Variants in ADGRB3 observed in about 807,000 individuals in gnomAD.
The protein encoded by ADGRB3 is brain-specific angiogenesis inhibitor 3.
In ADGRB3, 37 loss-of-function variants were observed where a neutral mutation model predicts 193.4. The ratio of observed to expected loss-of-function variants is 0.19; its 90% CI spans 0.15 to 0.25. The LOEUF is 0.25. Among genes scored for constraint, ADGRB3 ranks in the 10% least tolerant of loss-of-function variants. The pLI is 1.00. For missense variants in ADGRB3, 1,637 were observed against 1,852.9 expected, an observed-to-expected ratio of 0.88 and a Z score of 2.14; for synonymous variants, 690 against 644.2, an observed-to-expected ratio of 1.07 and a Z score of -1.08.
chr6:68,971,945 T>C (rs1006245894), intron 8 of ADGRB3, among the ~76,000 whole-genome samples: 11 of 152,286 alleles, frequency 7.2e-5, no homozygotes, highest in African/African-American at 2.6e-4. Context: ...TCCAAGGACC[T>C]CTGTGGCCCG....
chr6:68,641,248 A>C (rs1327745209), intron 3 of ADGRB3, among the ~76,000 whole-genome samples: 1 of 152,194 alleles, frequency 6.6e-6, no homozygotes, highest in Non-Finnish European at 1.5e-5. Context: ...GAAAGGTGGT[A>C]AGTGACAAAA....
chr6:69,128,348 A>T (rs1286271028), intron 17 of ADGRB3, among the ~76,000 whole-genome samples: 1 of 152,176 alleles, frequency 6.6e-6, no homozygotes, highest in African/African-American at 2.4e-5. Context: ...GTTTAGAGTC[A>T]TTTCTTAAAA....
intron 20 of ADGRB3, among the ~76,000 whole-genome samples, chr6:69,264,733 T>C (rs1169938540): frequency 1.3e-5 from 2 of 151,926 alleles, no homozygotes; most frequent in African/African-American, 4.8e-5. Context: ...CAGAAATGAA[T>C]TGTAATGAGA....
At chr6:69,108,504 G>A (rs1032277269) in intron 17 of ADGRB3, among the ~76,000 whole-genome samples, 2 of 151,676 alleles carry the variant, frequency 1.3e-5, no homozygotes, top group Admixed American at 1.3e-4. Flanking sequence ...CTTTCAGCTT[G>A]CAATGCAGGA....
intron 3 of ADGRB3, among the ~76,000 whole-genome samples, chr6:68,828,252 A>G (rs2127382888): frequency 6.6e-6 from 1 of 152,182 alleles, no homozygotes; most frequent in Admixed American, 6.5e-5. Flanking sequence ...CCATAATTTT[A>G]CTGTGCTGGC....
At chr6:69,094,520 A>G (rs1772813384) in intron 17 of ADGRB3, among the ~76,000 whole-genome samples, 1 of 152,204 alleles carries the variant, frequency 6.6e-6, no homozygotes, top group African/African-American at 2.4e-5. Context: ...CTGTATCCAA[A>G]TTAAATTGGC....
intron 24 of ADGRB3, among the ~76,000 whole-genome samples, chr6:69,335,463 A>G (rs1328554670): frequency 6.6e-6 from 1 of 152,168 alleles, no homozygotes; most frequent in Admixed American, 6.5e-5. Flanking sequence ...GCTACTGTCC[A>G]AAGCAGAAAA....
chr6:68,899,419 C>A (rs1263129260), intron 3 of ADGRB3, among the ~76,000 whole-genome samples: 1 of 147,428 alleles, frequency 6.8e-6, no homozygotes, highest in African/African-American at 2.5e-5. Context: ...TTAGGTATAT[C>A]TCCCACTGCT....
At chr6:68,685,732 G>GA (rs547648563) in intron 3 of ADGRB3, among the ~76,000 whole-genome samples, 78 of 145,578 alleles carry the variant, frequency 5.4e-4, no homozygotes, top group South Asian at 1.1e-3. Flanking sequence ...ATACAAAAAA[G>GA]AAAAAAAAAA....
At chr6:69,225,808 G>T (rs1765999949) in intron 17 of ADGRB3, among the ~76,000 whole-genome samples, 1 of 152,134 alleles carries the variant, frequency 6.6e-6, no homozygotes, top group Admixed American at 6.6e-5. Context: ...ATTTTTTAAA[G>T]TGTGTTATTC....
At chr6:69,199,642 C>G (rs1765377723) in intron 17 of ADGRB3, among the ~76,000 whole-genome samples, 1 of 152,036 alleles carries the variant, frequency 6.6e-6, no homozygotes, top group African/African-American at 2.4e-5. Flanking sequence ...TTTAGTGGTT[C>G]AGGACAAAGT....
intron 3 of ADGRB3, among the ~76,000 whole-genome samples, chr6:68,737,726 C>T (rs758319844): frequency 6.6e-6 from 1 of 152,112 alleles, no homozygotes; most frequent in Non-Finnish European, 1.5e-5. Context: ...GATTACAAAT[C>T]AGCTCAGCTT....
intron 3 of ADGRB3, among the ~76,000 whole-genome samples, chr6:68,738,422 G>C (rs1322782952): frequency 6.6e-6 from 1 of 152,098 alleles, no homozygotes; most frequent in Non-Finnish European, 1.5e-5. Flanking sequence ...GAACAGCTGG[G>C]GGACAAAGCT....
At chr6:68,966,544 G>A (rs1582355551) in intron 8 of ADGRB3, among the ~76,000 whole-genome samples, 1 of 151,934 alleles carries the variant, frequency 6.6e-6, no homozygotes, top group African/African-American at 2.4e-5. Flanking sequence ...TGGTTCCCAG[G>A]ACACACTCTC....
intron 12 of ADGRB3, among the ~76,000 whole-genome samples, chr6:69,018,023 A>C (rs917569299): frequency 6.6e-6 from 1 of 151,894 alleles, no homozygotes; most frequent in Non-Finnish European, 1.5e-5. Flanking sequence ...TGTGTTCCTC[A>C]TATAGATGCC....
In ADGRB3 at chr6:69,040,675, C is replaced by CA. The variant is rs869146684; in HGVS notation, c.2108-7476dup. Among the ~76,000 whole-genome samples the CA allele has an allele frequency of 5.3e-3, 104 of 19,532 alleles. 20 individuals are homozygous for CA. Among genetic ancestry groups the CA allele is most frequent in the East Asian group, 0.014 (11 of 804 alleles). 12.8% of individuals were successfully genotyped at this position (19,532 alleles called of 152,430 possible). A position where few individuals can be genotyped will look rare whatever the true frequency, so the allele number is the denominator to read the frequency against. On this transcript the variant is annotated intron_variant, in intron 13 of 31. Transcript: ENST00000370598. ...CCCAGGCTTTGAAATGACTGATGGACAAAAAAAAAAAAAAAAAAAAAAAAA... is the reference window on the plus strand; with the variant it reads ...CCCAGGCTTTGAAATGACTGATGGACAAAAAAAAAAAAAAAAAAAAAAAAAA...
intron 3 of ADGRB3, among the ~76,000 whole-genome samples, chr6:68,648,747 CTCCTGGTGT>C (rs1006216399): frequency 6.7e-6 from 1 of 148,184 alleles, no homozygotes; most frequent in African/African-American, 2.5e-5. Flanking sequence ...CATGACATTT[CTCCTGGTGT>C]TCCTTCTTTT....
chr6:69,006,948 G>T (rs939984410), intron 11 of ADGRB3, among the ~76,000 whole-genome samples: 1 of 151,734 alleles, frequency 6.6e-6, no homozygotes, highest in East Asian at 1.9e-4. Context: ...TGACTGAAAA[G>T]CCTCCAGTTT....
chr6:69,177,161 A>C (rs1775449126), intron 17 of ADGRB3, among the ~76,000 whole-genome samples: 1 of 151,640 alleles, frequency 6.6e-6, no homozygotes, highest in South Asian at 2.1e-4. Context: ...CTTTTCTTCT[A>C]GGTTTGGGGT....
Sources: gnomAD v4.1 joint callset for allele counts (sites outside exome capture counted in the v4.1 genomes callset) on GRCh38, gnomAD v4.1.1 for gene constraint, MANE v1.5 for transcripts, NCBI Gene and HGNC (gene_info 2026-07-23, HGNC 2026-07-21) for gene names.